Variants in PSME1 observed in about 807,000 individuals in gnomAD.
PSME1 encodes the protein proteasome activator complex subunit 1.
In PSME1, 15 loss-of-function variants were observed where a neutral mutation model predicts 38.4. The observed-to-expected ratio is 0.39, with a 90% CI of 0.26 to 0.60. The LOEUF (loss-of-function observed/expected upper bound fraction) is 0.60. Ranked by LOEUF, PSME1 falls within the 20% of genes least tolerant of loss-of-function variation. The probability of loss-of-function intolerance (pLI) is 0.53; values close to 1 mark genes in which losing one functional copy is unlikely to be tolerated. For synonymous variants in PSME1, 106 were observed against 106.8 expected (o/e 0.99, Z 0.05); for missense variants, 249 against 305.6 (o/e 0.81, Z 1.38).
chr14:24,137,041 G>T (rs1231168257), intron 2 of PSME1, 24 bp downstream of exon 2: 1 of 1,614,084 alleles, frequency 6.2e-7, no homozygotes, highest in South Asian at 1.1e-5. Context: ...CATCAGCGTG[G>T]CCCCACCCCT....
rs2037902351 is a variant in PSME1 at position 24,136,380 on chromosome 14, C to A, written c.39+79C>A. 7.3e-7 allele frequency: 1 copy of A among 1,363,274 alleles called. No individual in the cohort carries two copies. Among genetic ancestry groups the A allele is most frequent in the South Asian group, 1.5e-5 (1 of 67,690 alleles). The allele number at this position is 1,363,274 out of a possible 1,614,324, so 84.4% of individuals were successfully genotyped here. A position where few individuals can be genotyped will look rare whatever the true frequency, so the allele number is the denominator to read the frequency against. ...CCGGGGGCATCCCCGACCCGCCCCC[C>A]AGGCTCCCACGCGAGTCGGGGGCAG... is the stretch of plus-strand genomic sequence containing the variant. On this transcript the variant is annotated intron_variant, in intron 1 of 10. Coordinates refer to ENST00000206451, the MANE Select transcript of PSME1 (RefSeq NM_006263.4). The surrounding 1 kb of genome is among the most constrained non-coding windows in gnomAD (Gnocchi z 4.8).
Position 24,136,385 on chromosome 14 carries a change from T to G in PSME1, c.39+84T>G. The G allele has an allele frequency of 1.5e-6, 2 of 1,345,514 alleles. No homozygotes were observed. The highest frequency in any genetic ancestry group is 3.1e-5 in the South Asian group (2 of 65,518). 83.3% of individuals were successfully genotyped at this position (1,345,514 alleles called of 1,614,324 possible). A position where few individuals can be genotyped will look rare whatever the true frequency, so the allele number is the denominator to read the frequency against. On this transcript the variant is annotated intron_variant, in intron 1 of 10. Coordinates refer to ENST00000206451, the MANE Select transcript of PSME1 (RefSeq NM_006263.4). The surrounding 1 kb of genome is among the most constrained non-coding windows in gnomAD (Gnocchi z 4.8). Reference sequence around the variant, plus strand: ...GGCATCCCCGACCCGCCCCCCAGGCTCCCACGCGAGTCGGGGGCAGTCGGC... The same window carrying G: ...GGCATCCCCGACCCGCCCCCCAGGCGCCCACGCGAGTCGGGGGCAGTCGGC...
In PSME1 at chr14:24,138,771, G is replaced by A. The variant is rs1566603054; in HGVS notation, c.705G>A (p.Glu235=). Residue 235 remains glutamate (E), a synonymous_variant, in exon 11 of 11, where the codon GAG becomes GAA. Transcript: ENST00000206451. ...ATGACATCATCCTGAAGAACTTCGAGAAGCTCAAGAAGCCCAGGGGAGAAA... is the reference window on the plus strand; with the variant it reads ...ATGACATCATCCTGAAGAACTTCGAAAAGCTCAAGAAGCCCAGGGGAGAAA... The part of the protein sequence containing the change: ...VLYDIILKNF[E]KLKKPRGETK... 1.9e-6 allele frequency: 3 copies of A among 1,614,186 alleles called. No homozygotes were observed. Among genetic ancestry groups the A allele is most frequent in the Non-Finnish European group, 2.5e-6 (3 of 1,180,034 alleles).
chr14:24,136,356 CG>C lies in PSME1; in HGVS notation c.39+60del. 3.4e-6 allele frequency: 5 copies of C among 1,466,828 alleles called. No homozygotes were observed. The highest frequency in any genetic ancestry group is 1.3e-5 in the South Asian group (1 of 75,760). The allele number at this position is 1,466,828 out of a possible 1,614,324, so 90.9% of individuals were successfully genotyped here. A position where few individuals can be genotyped will look rare whatever the true frequency, so the allele number is the denominator to read the frequency against. The stretch of plus-strand genomic sequence containing the variant: ...ACTGGGGAGGCGTGGCTGGAGCGGC[CG>C]GGGGCATCCCCGACCCGCCCCCCAG... On this transcript the variant is annotated intron_variant, in intron 1 of 10. Transcript: ENST00000206451. The surrounding 1 kb of genome is among the most constrained non-coding windows in gnomAD (Gnocchi z 4.8).
Position 24,136,342 on chromosome 14 carries a change from G to C in PSME1, c.39+41G>C. On this transcript the variant is annotated intron_variant, in intron 1 of 10. Coordinates refer to ENST00000206451, the MANE Select transcript of PSME1 (RefSeq NM_006263.4). This position sits in a 1 kb window ranked among gnomAD's most constrained non-coding sequence, Gnocchi z 4.8. The stretch of plus-strand genomic sequence containing the variant: ...TCTAGAAAGGGCCCACTGGGGAGGC[G>C]TGGCTGGAGCGGCCGGGGGCATCCC... 6.7e-7 allele frequency: 1 copy of C among 1,490,628 alleles called. No homozygotes were observed. The highest frequency in any genetic ancestry group is 8.9e-7 in the Non-Finnish European group (1 of 1,119,728). 92.3% of individuals were successfully genotyped at this position (1,490,628 alleles called of 1,614,324 possible).
chr14:24,138,323 A>G, intron 8 of PSME1, 22 bp from the exon 9 acceptor site: 6 of 1,614,134 alleles, frequency 3.7e-6, no homozygotes, highest in Non-Finnish European at 5.1e-6. Context: ...CTTCTACTCC[A>G]TACACACTTC....
Position 24,138,514 on chromosome 14 carries a change from A to G in PSME1, c.623A>G (p.Glu208Gly), listed in dbSNP as rs776195032. Reference sequence around the variant, plus strand: ...CTGGTGCACGAGCTGGATGAGGCAGAGTACCGGGACATCCGGCTGATGGTC... The same window carrying G: ...CTGGTGCACGAGCTGGATGAGGCAGGGTACCGGGACATCCGGCTGATGGTC... The part of the protein sequence containing the change: ...RQLVHELDEA[E>G]YRDIRLMVME... The change falls in exon 10 of 11, where the codon GAG (glutamate) becomes GGG (glycine). Residue 208 changes from glutamate to glycine, a missense_variant. Physicochemically the swap from Glu to Gly is moderately conservative, Grantham distance 98. Coordinates refer to ENST00000206451, the MANE Select transcript of PSME1 (RefSeq NM_006263.4). The G allele has an allele frequency of 6.2e-7, 1 of 1,614,068 alleles. No individual in the cohort carries two copies.
intron 4 of PSME1, 43 bp downstream of exon 4, chr14:24,137,474 T>C: frequency 1.9e-6 from 3 of 1,613,640 alleles, no homozygotes; most frequent in Non-Finnish European, 2.5e-6. Context: ...ACTATGGGGG[T>C]AATCAACCTT....
Position 24,137,212 on chromosome 14 carries a change from C to A in PSME1, c.135+7C>A, listed in dbSNP as rs766876701. The A allele has an allele frequency of 6.2e-7, 1 of 1,613,836 alleles. No individual in the cohort carries two copies. Among genetic ancestry groups the A allele is most frequent in the Non-Finnish European group, 8.5e-7 (1 of 1,179,846 alleles). ...GCTGGATGCATTTTTAAAGGTACCG[C>A]GGCTGGGCAGGGAGCTAGGGAGTAA... is the stretch of plus-strand genomic sequence containing the variant. On this transcript the variant is annotated splice_region_variant and intron_variant, in intron 3 of 10. Coordinates refer to ENST00000206451, the MANE Select transcript of PSME1 (RefSeq NM_006263.4).
intron 4 of PSME1, 32 bp downstream of exon 4, chr14:24,137,463 A>G: frequency 1.9e-6 from 3 of 1,614,006 alleles, no homozygotes; most frequent in Non-Finnish European, 2.5e-6. Flanking sequence ...GAAGGGATCC[A>G]ACTATGGGGG....
In PSME1 at chr14:24,138,522, G is replaced by A; in HGVS notation, c.631G>A (p.Asp211Asn). 3 of 1,614,024 alleles carry A rather than the reference G, an allele frequency of 1.9e-6. No individual in the cohort carries two copies. Among genetic ancestry groups the A allele is most frequent in the Non-Finnish European group, 2.5e-6 (3 of 1,180,030 alleles). ...VHELDEAEYR[D>N]IRLMVMEIRN... ...CGAGCTGGATGAGGCAGAGTACCGG[G>A]ACATCCGGCTGATGGTCATGGAGAT... The change falls in exon 10 of 11, where the codon GAC becomes AAC. Residue 211 changes from aspartate to asparagine, a missense_variant. Coordinates refer to ENST00000206451, the MANE Select transcript of PSME1 (RefSeq NM_006263.4).
chr14:24,136,440 C>G lies in PSME1; in HGVS notation c.39+139C>G. 1.2e-6 allele frequency: 1 copy of G among 829,572 alleles called. No homozygotes were observed. Among genetic ancestry groups the G allele is most frequent in the Non-Finnish European group, 1.7e-6 (1 of 584,238 alleles). The allele number at this position is 829,572 out of a possible 1,614,324, so 51.4% of individuals were successfully genotyped here. ...CTGGCGCGCCCGGAGCACCTGCGCCCCGGGGAGGGCGGCGACTGCTGCCTG... is the reference window on the plus strand; with the variant it reads ...CTGGCGCGCCCGGAGCACCTGCGCCGCGGGGAGGGCGGCGACTGCTGCCTG... On this transcript the variant is annotated intron_variant, in intron 1 of 10. Transcript: ENST00000206451. This position sits in a 1 kb window ranked among gnomAD's most constrained non-coding sequence, Gnocchi z 4.8.
rs2037926643 is a variant in PSME1 at position 24,137,444 on chromosome 14, G to A, written c.246+13G>A. 9.9e-6 allele frequency: 16 copies of A among 1,614,014 alleles called. No individual in the cohort carries two copies. The highest frequency in any genetic ancestry group is 1.1e-5 in the Non-Finnish European group (13 of 1,179,964). On this transcript the variant is annotated intron_variant, in intron 4 of 10. Coordinates refer to ENST00000206451, the MANE Select transcript of PSME1 (RefSeq NM_006263.4). ...GAAACAGCAGGAGGCAAGCTGGGAA[G>A]ACCTGGGAGAAGGGATCCAACTATG...
rs1405768392 is a variant in PSME1 at position 24,136,568 on chromosome 14, G to A, written c.39+267G>A. Among the ~76,000 whole-genome samples the A allele has an allele frequency of 6.6e-6, 1 of 152,160 alleles. No individual in the cohort carries two copies. Among genetic ancestry groups the A allele is most frequent in the Non-Finnish European group, 1.5e-5 (1 of 67,996 alleles). On this transcript the variant is annotated intron_variant, in intron 1 of 10. Coordinates refer to ENST00000206451, the MANE Select transcript of PSME1 (RefSeq NM_006263.4). This position sits in a 1 kb window ranked among gnomAD's most constrained non-coding sequence, Gnocchi z 4.8. ...CTGGGGCCGGGGCCACACACAGACT[G>A]GGTGCGGGACTGCCCCAGCTACCTT...
In PSME1 at chr14:24,138,844, T is replaced by G; in HGVS notation, c.*28T>G. The G allele has an allele frequency of 6.2e-7, 1 of 1,608,154 alleles. No individual in the cohort carries two copies. Among genetic ancestry groups the G allele is most frequent in the Non-Finnish European group, 8.5e-7 (1 of 1,175,518 alleles). On this transcript the variant is annotated 3_prime_UTR_variant, in exon 11 of 11. Transcript: ENST00000206451. ...GCCCTCTCTCCCATTCTGTGATGAG[T>G]ACAGCAGAGACCTTCCTGCTTTTTA...
At position 24,138,181 on chromosome 14, in the gene PSME1, G is replaced by C; in HGVS notation, c.460-15G>C. 3 of 1,614,130 alleles carry C rather than the reference G, an allele frequency of 1.9e-6. No homozygotes were observed. Among genetic ancestry groups the C allele is most frequent in the Non-Finnish European group, 2.5e-6 (3 of 1,180,002 alleles). ...CATGCTTCCTTCCACTTTCCCCCTT[G>C]CTTTTTTTCCCTAGGAGAAGGTGTT... On this transcript the variant is annotated splice_polypyrimidine_tract_variant and intron_variant, in intron 7 of 10. Transcript: ENST00000206451.
At chr14:24,137,052 G>A in intron 2 of PSME1, 35 bp downstream of exon 2, 1 of 1,614,094 alleles carries the variant, frequency 6.2e-7, no homozygotes, top group Non-Finnish European at 8.5e-7. Context: ...CCCCACCCCT[G>A]CCCAACTCCT....
intron 6 of PSME1, 125 bp downstream of exon 6, chr14:24,137,922 C>T (rs2037940033): frequency 6.7e-7 from 1 of 1,489,554 alleles, no homozygotes; most frequent in Admixed American, 1.7e-5. Context: ...AACCAGAAGT[C>T]CAGGCCCTGG....
At position 24,136,318 on chromosome 14, in the gene PSME1, C is replaced by A; in HGVS notation, c.39+17C>A. 6.6e-7 allele frequency: 1 copy of A among 1,516,618 alleles called. No individual in the cohort carries two copies. Among genetic ancestry groups the A allele is most frequent in the Middle Eastern group, 1.8e-4 (1 of 5,696 alleles). The allele number at this position is 1,516,618 out of a possible 1,614,324, so 93.9% of individuals were successfully genotyped here. ...CAAGCCAAGGTGAGCGCCGCGGGGT[C>A]TAGAAAGGGCCCACTGGGGAGGCGT... On this transcript the variant is annotated intron_variant, in intron 1 of 10. Coordinates refer to ENST00000206451, the MANE Select transcript of PSME1 (RefSeq NM_006263.4). The surrounding 1 kb of genome is among the most constrained non-coding windows in gnomAD (Gnocchi z 4.8).
Sources: allele counts gnomAD v4.1 joint callset (sites outside exome capture counted in the v4.1 genomes callset), GRCh38; gene constraint gnomAD v4.1.1; non-coding constraint Gnocchi (gnomAD v3.1); transcripts MANE v1.5; gene names NCBI Gene and HGNC (gene_info 2026-07-23, HGNC 2026-07-21).